Variants in EIF2AK2 observed in about 807,000 individuals in gnomAD.
EIF2AK2 encodes interferon-induced, double-stranded RNA-activated protein kinase.
EIF2AK2 carries 40 observed loss-of-function variants against 70.5 expected under a neutral mutation model. The ratio of observed to expected loss-of-function variants is 0.57; its 90% CI spans 0.44 to 0.74. EIF2AK2 has a LOEUF of 0.74. Ranked by LOEUF, EIF2AK2 falls within the 30% of genes least tolerant of loss-of-function variation. EIF2AK2 has a pLI of 0.00. For missense variants in EIF2AK2, 555 were observed against 644.3 expected (o/e 0.86, Z 1.50); for synonymous variants, 198 against 220.9 (o/e 0.90, Z 0.92).
At chr2:37,139,942 C>A (rs979740027) in intron 5 of EIF2AK2, among the ~76,000 whole-genome samples, 185 bp from the exon 6 acceptor site, 20 of 152,150 alleles carry the variant, frequency 1.3e-4, no homozygotes, top group African/African-American at 4.8e-4. Flanking sequence ...TCTCTGAATA[C>A]CCAGGATCAG....
In EIF2AK2 at chr2:37,148,818, C is replaced by T. The variant is rs4648154; in HGVS notation, c.-17+39G>A. The T allele has an allele frequency of 9.6e-6, 8 of 829,718 alleles. No individual in the cohort carries two copies. In the African/African-American group the frequency reaches 1.2e-4, roughly 12 times the overall value. 51.4% of individuals were successfully genotyped at this position (829,718 alleles called of 1,614,324 possible). The stretch of plus-strand genomic sequence containing the variant: ...TTGCATGTAATTGACTTAGATGATG[C>T]CACTTTTCTGAGTGCAAAATTCGGA... On this transcript the variant is annotated intron_variant, in intron 2 of 16. Transcript: ENST00000233057.
At chr2:37,114,976 C>T (rs1674284656) in intron 13 of EIF2AK2, 117 bp from the exon 14 acceptor site, 2 of 575,784 alleles carry the variant, frequency 3.5e-6, no homozygotes, top group South Asian at 5.7e-5. Context: ...TACCCTTACA[C>T]AGGTAGCCAA....
intron 13 of EIF2AK2, 85 bp downstream of exon 13, chr2:37,119,874 G>T (rs777004420): frequency 3.1e-5 from 25 of 803,804 alleles, no homozygotes; most frequent in Non-Finnish European, 3.6e-5. Context: ...TTATAGGCGT[G>T]AGCCACTGTG....
chr2:37,112,563 T>C (rs1298228235), intron 14 of EIF2AK2, among the ~76,000 whole-genome samples: 2 of 152,222 alleles, frequency 1.3e-5, no homozygotes, highest in Non-Finnish European at 2.9e-5. Flanking sequence ...AGAGCATTTT[T>C]AAATTGAAGA....
chr2:37,139,333 A>T (rs1330487607), intron 6 of EIF2AK2, among the ~76,000 whole-genome samples: 1 of 147,098 alleles, frequency 6.8e-6, no homozygotes, highest in East Asian at 2.0e-4. Flanking sequence ...AAAAAAAAAA[A>T]CTCCTGAACT....
intron 4 of EIF2AK2, among the ~76,000 whole-genome samples, chr2:37,145,550 AG>A (rs1444629945): frequency 1.3e-5 from 2 of 152,044 alleles, no homozygotes; most frequent in Non-Finnish European, 2.9e-5. Context: ...TTATTATTGA[AG>A]AAAAAAAATT....
Position 37,126,350 on chromosome 2 carries a change from TG to T in EIF2AK2, c.846del (p.Phe282LeufsTer28). 6.2e-7 allele frequency: 1 copy of T among 1,612,948 alleles called. No homozygotes were observed. Among genetic ancestry groups the T allele is most frequent in the Non-Finnish European group, 8.5e-7 (1 of 1,179,570 alleles). ...LIGSGGFGQV[F>X]KAKHRIDGKT... Reference sequence around the variant, plus strand: ...TTTCCGTCAATTCTGTGTTTTGCTTTGAAAACTTGGCCAAATCCACCTGAGC... The same window carrying T: ...TTTCCGTCAATTCTGTGTTTTGCTTTAAAACTTGGCCAAATCCACCTGAGC... On this transcript the variant is annotated frameshift_variant, in exon 11 of 17. Coordinates refer to ENST00000233057, the MANE Select transcript of EIF2AK2 (RefSeq NM_001135651.3). LOFTEE classifies it high-confidence loss of function.
chr2:37,147,419 G>A (rs576617893), intron 3 of EIF2AK2, among the ~76,000 whole-genome samples: 5 of 149,846 alleles, frequency 3.3e-5, no homozygotes, highest in South Asian at 4.2e-4. Flanking sequence ...CCATTAACTC[G>A]TCATTTAGCA....
At chr2:37,139,962 G>A (rs1387436002) in intron 5 of EIF2AK2, among the ~76,000 whole-genome samples, 1 of 152,096 alleles carries the variant, frequency 6.6e-6, no homozygotes, top group Non-Finnish European at 1.5e-5. Flanking sequence ...GCTGACATCT[G>A]AGCTTGCATT....
chr2:37,136,850 T>C, intron 9 of EIF2AK2, 133 bp downstream of exon 9: 1 of 768,734 alleles, frequency 1.3e-6, no homozygotes, highest in Non-Finnish European at 2.0e-6. Context: ...TATTTGTTTA[T>C]AGATTTCAAG....
At chr2:37,133,093 A>G (rs79824601) in intron 10 of EIF2AK2, among the ~76,000 whole-genome samples, 2,624 of 152,214 alleles carry the variant, frequency 0.017, 75 homozygotes, top group African/African-American at 0.058. Context: ...CACATCCCCT[A>G]TCAACCCCAG....
intron 1 of EIF2AK2, among the ~76,000 whole-genome samples, chr2:37,156,465 T>G (rs1479401288): frequency 6.6e-6 from 1 of 152,118 alleles, no homozygotes; most frequent in Non-Finnish European, 1.5e-5. Flanking sequence ...ATTGGGAAAC[T>G]ACTGCAACTC....
chr2:37,101,805 A>C lies in EIF2AK2; in HGVS notation c.*5468T>G, dbSNP rs1024351636. 3.3e-5 allele frequency: 5 copies of C among 152,236 alleles called. No homozygotes were observed. Among genetic ancestry groups the C allele is most frequent in the Non-Finnish European group, 7.3e-5 (5 of 68,050 alleles). The allele number at this position is 152,236 out of a possible 1,614,324, so 9.4% of individuals were successfully genotyped here. On this transcript the variant is annotated 3_prime_UTR_variant, in exon 17 of 17. Coordinates refer to ENST00000233057, the MANE Select transcript of EIF2AK2 (RefSeq NM_001135651.3). ...AGAAAACTGTATTTTTGAGATAGAA[A>C]CAATACAGACTATTATATGATAATT...
intron 1 of EIF2AK2, among the ~76,000 whole-genome samples, chr2:37,151,238 C>T (rs1675730617): frequency 6.6e-6 from 1 of 151,974 alleles, no homozygotes; most frequent in African/African-American, 2.4e-5. Flanking sequence ...ATTCTTACAG[C>T]TCAACAACAA....
intron 10 of EIF2AK2, among the ~76,000 whole-genome samples, chr2:37,128,594 T>C (rs1443244046): frequency 1.3e-5 from 2 of 152,218 alleles, no homozygotes; most frequent in East Asian, 3.8e-4. Context: ...TTTAGCCTTA[T>C]AATGGGCCCT....
At chr2:37,117,211 CAAAAAAAAA>C (rs534964659) in intron 13 of EIF2AK2, among the ~76,000 whole-genome samples, 1 of 44,234 alleles carries the variant, frequency 2.3e-5, no homozygotes, top group Non-Finnish European at 4.7e-5. Flanking sequence ...GACTCTGTCT[CAAAAAAAAA>C]AAAAAAAGAA....
rs929126836 is a variant in EIF2AK2 at position 37,099,951 on chromosome 2, G to A, written c.*7322C>T. 1.3e-5 allele frequency: 2 copies of A among 152,218 alleles called. No individual in the cohort carries two copies. Among genetic ancestry groups the A allele is most frequent in the African/African-American group, 4.8e-5 (2 of 41,448 alleles). 9.4% of individuals were successfully genotyped at this position (152,218 alleles called of 1,614,324 possible). A position where few individuals can be genotyped will look rare whatever the true frequency, so the allele number is the denominator to read the frequency against. On this transcript the variant is annotated 3_prime_UTR_variant, in exon 17 of 17. Transcript: ENST00000233057. ...CTAGCATGGGCAAATCTATAGAGAT[G>A]GAGAGTAGATTAGTGGTTACCTAGA...
chr2:37,144,649 T>C (rs1238893597), intron 4 of EIF2AK2, among the ~76,000 whole-genome samples: 1 of 151,790 alleles, frequency 6.6e-6, no homozygotes, highest in Admixed American at 6.6e-5. Context: ...AGTCAGAAGA[T>C]CACAGCTCAC....
In EIF2AK2 at chr2:37,100,530, A is replaced by G. The variant is rs143061841; in HGVS notation, c.*6743T>C. 4.2e-4 allele frequency: 64 copies of G among 152,344 alleles called. No homozygotes were observed. The highest frequency in any genetic ancestry group is 1.4e-3 in the African/African-American group (59 of 41,574). 9.4% of individuals were successfully genotyped at this position (152,344 alleles called of 1,614,324 possible). A position where few individuals can be genotyped will look rare whatever the true frequency, so the allele number is the denominator to read the frequency against. ...TATTATACAGTTTCTAGTTATTTAG[A>G]ATTTAAGCCAATAATGTCACCATAT... On this transcript the variant is annotated 3_prime_UTR_variant, in exon 17 of 17. Transcript: ENST00000233057.
Sources: gnomAD v4.1 joint callset for allele counts (sites outside exome capture counted in the v4.1 genomes callset) on GRCh38, gnomAD v4.1.1 for gene constraint, MANE v1.5 for transcripts, NCBI Gene and HGNC (gene_info 2026-07-23, HGNC 2026-07-21) for gene names.